The following PTPRG variants were observed in gnomAD, a reference collection of about 807,000 sequenced individuals.
The protein encoded by PTPRG is protein tyrosine phosphatase receptor type G.
A neutral mutation model predicts 165.3 loss-of-function variants in PTPRG; 102 were observed. The ratio of observed to expected loss-of-function variants is 0.62; its 90% CI spans 0.53 to 0.73. The LOEUF (loss-of-function observed/expected upper bound fraction) is 0.73. PTPRG is among the 30% of genes least tolerant of loss of function. The pLI is 0.00. For synonymous variants in PTPRG, 675 were observed against 669.5 expected (o/e 1.01, Z -0.13); for missense variants, 1,866 against 1,861.4 (o/e 1.00, Z -0.05).
intron 2 of PTPRG, among the ~76,000 whole-genome samples, chr3:61,889,100 C>T (rs2038134692): frequency 6.6e-6 from 1 of 152,154 alleles, no homozygotes; most frequent in South Asian, 2.1e-4. Flanking sequence ...TACTTTGAAT[C>T]TGTGTAAATA....
At chr3:61,862,380 CTTTTTT>C (rs5849448) in intron 2 of PTPRG, among the ~76,000 whole-genome samples, 5 of 125,330 alleles carry the variant, frequency 4.0e-5, no homozygotes, top group Non-Finnish European at 8.2e-5. Flanking sequence ...ATTACTCAGA[CTTTTTT>C]TTTTTTTTTT....
At chr3:62,075,188 A>C (rs1198644076) in intron 4 of PTPRG, among the ~76,000 whole-genome samples, 2 of 152,174 alleles carry the variant, frequency 1.3e-5, no homozygotes, top group East Asian at 3.8e-4. Flanking sequence ...AAGAGGTCTT[A>C]AAGTATTTTG....
intron 6 of PTPRG, among the ~76,000 whole-genome samples, chr3:62,156,184 T>C (rs1704531240): frequency 1.3e-5 from 2 of 152,206 alleles, no homozygotes; most frequent in Non-Finnish European, 2.9e-5. Flanking sequence ...AATGTTTTTC[T>C]TTACCTTGTT....
intron 2 of PTPRG, among the ~76,000 whole-genome samples, chr3:61,783,578 T>C (rs142774106): frequency 1.5e-3 from 230 of 152,210 alleles, no homozygotes; most frequent in African/African-American, 5.2e-3. Flanking sequence ...CTGGGTGATA[T>C]GTGTGCTGTG....
intron 6 of PTPRG, among the ~76,000 whole-genome samples, chr3:62,146,032 A>G (rs1704107864): frequency 6.6e-6 from 1 of 152,250 alleles, no homozygotes; most frequent in Non-Finnish European, 1.5e-5. Context: ...AAGAATGTAC[A>G]CGTCGTGTCA....
chr3:62,281,551 T>TTTTTTTTTTTTTTTTTTTTTTG lies in PTPRG; in HGVS notation c.3766-12_3766-11insTTTTTTTTTTTTTTTTTTTTTG. On this transcript the variant is annotated splice_polypyrimidine_tract_variant and intron_variant, in intron 26 of 29. Transcript: ENST00000474889. ...GAACTGCAGAGGCTTTTTTTTTTTTTGGATTCCAAAGGCAGAAGATGAGTT... is the reference window on the plus strand; with the variant it reads ...GAACTGCAGAGGCTTTTTTTTTTTTTTTTTTTTTTTTTTTTTTTTTTGGGATTCCAAAGGCAGAAGATGAGTT... 2.7e-6 allele frequency: 4 copies of TTTTTTTTTTTTTTTTTTTTTTG among 1,466,118 alleles called. 1 individual carries two copies. The South Asian group carries it at 4.1e-5, about 15-fold the overall frequency. 90.8% of individuals were successfully genotyped at this position (1,466,118 alleles called of 1,614,324 possible).
At chr3:61,678,404 G>A (rs1394484539) in intron 1 of PTPRG, among the ~76,000 whole-genome samples, 1 of 152,184 alleles carries the variant, frequency 6.6e-6, no homozygotes, top group African/African-American at 2.4e-5. Flanking sequence ...AAGTAGAGGT[G>A]TCTGAATACA....
Position 62,240,821 on chromosome 3 carries a change from G to A in PTPRG, c.2376-2986G>A, listed in dbSNP as rs549006643. On this transcript the variant is annotated intron_variant, in intron 14 of 29. Coordinates refer to ENST00000474889, the MANE Select transcript of PTPRG (RefSeq NM_002841.4). This position sits in a 1 kb window ranked among gnomAD's most constrained non-coding sequence, Gnocchi z 5.1. ...GCTCAAATGCCACCTCCTCAGTGAA[G>A]TCCCTTCCTTCAGCCGACTTCATTT... is the stretch of plus-strand genomic sequence containing the variant. Among the ~76,000 whole-genome samples the A allele has an allele frequency of 1.3e-5, 2 of 152,202 alleles. No homozygotes were observed. The highest frequency in any genetic ancestry group is 2.9e-5 in the Non-Finnish European group (2 of 68,042).
At chr3:61,624,452 A>G (rs1368225058) in intron 1 of PTPRG, among the ~76,000 whole-genome samples, 1 of 152,110 alleles carries the variant, frequency 6.6e-6, no homozygotes. Context: ...TTGATTTTTC[A>G]CATTTTGCAT....
At chr3:61,728,409 C>A (rs1203677217) in intron 1 of PTPRG, among the ~76,000 whole-genome samples, 1 of 152,044 alleles carries the variant, frequency 6.6e-6, no homozygotes, top group East Asian at 1.9e-4. Context: ...TAGCAAGACC[C>A]CTTCGCTACA....
intron 1 of PTPRG, among the ~76,000 whole-genome samples, chr3:61,679,773 C>CT (rs1477693202): frequency 6.6e-6 from 1 of 152,078 alleles, no homozygotes; most frequent in Non-Finnish European, 1.5e-5. Flanking sequence ...GAGCGAAACT[C>CT]TGTCTCAAAA....
chr3:62,168,269 T>G, intron 8 of PTPRG, 106 bp downstream of exon 8: 1 of 1,085,956 alleles, frequency 9.2e-7, no homozygotes, highest in African/African-American at 1.6e-5. Flanking sequence ...TGGTGTTAAA[T>G]GCATATGTTT....
chr3:62,236,380 C>T (rs186807308), intron 14 of PTPRG, among the ~76,000 whole-genome samples: 3 of 152,282 alleles, frequency 2.0e-5, no homozygotes, highest in Non-Finnish European at 4.4e-5. Context: ...AGCATGTGAA[C>T]GTTTTCAACT....
intron 2 of PTPRG, among the ~76,000 whole-genome samples, chr3:61,802,713 C>G (rs1329930796): frequency 6.6e-6 from 1 of 152,152 alleles, no homozygotes; most frequent in East Asian, 1.9e-4. Context: ...GACTGTCTGT[C>G]TCTGTGGAGA....
intron 5 of PTPRG, chr3:62,118,484 A>C (rs1209600398): frequency 6.6e-6 from 1 of 152,202 alleles, no homozygotes; most frequent in African/African-American, 2.4e-5. Context: ...TCTACACTTG[A>C]TCTTAGCCAA....
chr3:61,614,995 C>T (rs543348034), intron 1 of PTPRG, among the ~76,000 whole-genome samples: 2 of 152,294 alleles, frequency 1.3e-5, no homozygotes, highest in East Asian at 3.9e-4. Flanking sequence ...ATGCGCTCCA[C>T]CCGTTATAGT....
chr3:61,699,590 G>A (rs903614551), intron 1 of PTPRG, among the ~76,000 whole-genome samples: 3 of 152,116 alleles, frequency 2.0e-5, no homozygotes, highest in African/African-American at 7.2e-5. Context: ...GAACATTTCA[G>A]TGTCTGTTCC....
chr3:61,754,691 G>A lies in PTPRG; in HGVS notation c.190+5709G>A, dbSNP rs79530168. On this transcript the variant is annotated intron_variant, in intron 2 of 29. Coordinates refer to ENST00000474889, the MANE Select transcript of PTPRG (RefSeq NM_002841.4). ...TAAATTAGTGGGTGATTTGCAAAAG[G>A]TTTCACTGTTGGATCCCTTTAAATA... 4.1e-3 allele frequency among the ~76,000 whole-genome samples: 627 copies of A among 152,264 alleles called. 5 individuals are homozygous for A. The highest frequency in any genetic ancestry group is 0.014 in the African/African-American group (599 of 41,548).
chr3:62,160,864 A>ATTTTTTTTTTTTTTTTT (rs5849464), intron 7 of PTPRG, among the ~76,000 whole-genome samples: 2 of 103,986 alleles, frequency 1.9e-5, no homozygotes, highest in Non-Finnish European at 1.8e-5. Flanking sequence ...TAGATGTGTG[A>ATTTTTTTTTTTTTTTTT]TTTTTTTTTT....
Sources: gnomAD v4.1 joint callset for allele counts (sites outside exome capture counted in the v4.1 genomes callset) on GRCh38, gnomAD v4.1.1 for gene constraint, Gnocchi (gnomAD v3.1) non-coding constraint, MANE v1.5 for transcripts, NCBI Gene and HGNC (gene_info 2026-07-23, HGNC 2026-07-21) for gene names.